Variants in GRIK3 observed in about 807,000 individuals in gnomAD.
GRIK3 encodes glutamate receptor ionotropic, kainate 3.
Under a neutral mutation model 102.5 loss-of-function variants are expected in GRIK3, and 29 were observed. The ratio of observed to expected loss-of-function variants is 0.28; its 90% confidence interval spans 0.21 to 0.39. The LOEUF is 0.39. Among genes scored for constraint, GRIK3 ranks in the 10% least tolerant of loss-of-function variants. GRIK3 has a pLI of 1.00. For synonymous variants in GRIK3, 511 were observed against 504.9 expected, an observed-to-expected ratio of 1.01 and a Z score of -0.16; for missense variants, 908 against 1,252.4, an observed-to-expected ratio of 0.73 and a Z score of 4.15.
chr1:36,942,183 G>A (rs1641728152), intron 1 of GRIK3, among the ~76,000 whole-genome samples: 1 of 152,226 alleles, frequency 6.6e-6, no homozygotes, highest in Non-Finnish European at 1.5e-5. Flanking sequence ...ACTACCTGCA[G>A]TTGCAGCAGC....
At chr1:36,996,702 G>T (rs939998002) in intron 1 of GRIK3, among the ~76,000 whole-genome samples, 1 of 152,194 alleles carries the variant, frequency 6.6e-6, no homozygotes, top group Admixed American at 6.5e-5. Flanking sequence ...TTCCTGGTGG[G>T]GAACAGCGGT....
At chr1:36,950,394 T>C (rs1205125785) in intron 1 of GRIK3, among the ~76,000 whole-genome samples, 1 of 152,226 alleles carries the variant, frequency 6.6e-6, no homozygotes, top group African/African-American at 2.4e-5. Flanking sequence ...TTCCAGGCTT[T>C]TCTCCATTTA....
intron 5 of GRIK3, among the ~76,000 whole-genome samples, chr1:36,869,265 C>T (rs1040584269): frequency 2.0e-5 from 3 of 152,154 alleles, no homozygotes; most frequent in African/African-American, 7.2e-5. Flanking sequence ...TGAATGTGGA[C>T]AGAATCCAAA....
In GRIK3 at chr1:36,806,268, G is replaced by T; in HGVS notation, c.2150C>A (p.Ala717Glu). 1 of 1,614,144 alleles carries T rather than the reference G, an allele frequency of 6.2e-7. No homozygotes were observed. The highest frequency in any genetic ancestry group is 8.5e-7 in the Non-Finnish European group (1 of 1,179,978). ...GCCCTCCTCGTTGTTCTTCACCAGC[G>T]CCGATGGCTTGCTGCTCATGAAGGC... is the stretch of plus-strand genomic sequence containing the variant. ...MWAFMSSKPSALVKNNEEGIQ... is the reference protein window; with the variant it reads ...MWAFMSSKPSELVKNNEEGIQ... The change falls in exon 14 of 16, where the codon GCG becomes GAG. Residue 717 changes from alanine (A) to glutamate (E), a missense_variant. Physicochemically the swap from Ala to Glu is moderately radical, Grantham distance 107 (BLOSUM62 -1). Transcript: ENST00000373091. The surrounding 1 kb of genome is among the most constrained non-coding windows in gnomAD (Gnocchi z 4.0).
intron 1 of GRIK3, among the ~76,000 whole-genome samples, chr1:36,989,277 G>A (rs1642339851): frequency 6.6e-6 from 1 of 152,168 alleles, no homozygotes; most frequent in South Asian, 2.1e-4. Flanking sequence ...ATTCCAGCAC[G>A]TAAAGGCCAA....
In GRIK3 at chr1:36,833,505, C is replaced by T. The variant is rs183960619; in HGVS notation, c.1531-7679G>A. ...TGGGCTCCACCTTTGGAGCCCATCTCTTTCCCCTGCCCCCAGGTGAGCTCC... is the reference window on the plus strand; with the variant it reads ...TGGGCTCCACCTTTGGAGCCCATCTTTTTCCCCTGCCCCCAGGTGAGCTCC... On this transcript the variant is annotated intron_variant, in intron 10 of 15. Coordinates refer to ENST00000373091, the MANE Select transcript of GRIK3 (RefSeq NM_000831.4). Among the ~76,000 whole-genome samples the T allele has an allele frequency of 1.1e-3, 167 of 152,300 alleles. 1 individual carries two copies. Among genetic ancestry groups the T allele is most frequent in the African/African-American group, 3.9e-3 (161 of 41,556 alleles).
At chr1:36,809,180 C>T (rs150540698) in intron 13 of GRIK3, among the ~76,000 whole-genome samples, 1 of 137,418 alleles carries the variant, frequency 7.3e-6, no homozygotes, top group African/African-American at 2.9e-5. Flanking sequence ...CATCCATCCA[C>T]CCACCCATCC....
intron 1 of GRIK3, among the ~76,000 whole-genome samples, chr1:37,014,367 G>A (rs540733535): frequency 6.6e-6 from 1 of 152,362 alleles, no homozygotes; most frequent in Admixed American, 6.5e-5. Context: ...AAGGAGGAAG[G>A]GAGGGATAGG....
rs1186388755 is a variant in GRIK3, at chr1:36,813,726, G to T, written c.2091+3334C>A. Among the ~76,000 whole-genome samples the T allele has an allele frequency of 2.0e-5, 3 of 151,052 alleles. No homozygotes were observed. The East Asian group carries it at 5.9e-4, about 30-fold the overall frequency. On this transcript the variant is annotated intron_variant, in intron 13 of 15. Transcript: ENST00000373091. ...CAGAGGGGTGACAAGGCAGGGAATT[G>T]GTTCATCCAGGGACCTTCAGCGGGG...
At chr1:36,975,079 T>C (rs775178216) in intron 1 of GRIK3, among the ~76,000 whole-genome samples, 1 of 152,154 alleles carries the variant, frequency 6.6e-6, no homozygotes, top group Non-Finnish European at 1.5e-5. Flanking sequence ...ACAGTGGTGA[T>C]AGATGTACAA....
chr1:36,859,820 A>T, intron 6 of GRIK3, 24 bp downstream of exon 6: 1 of 1,597,212 alleles, frequency 6.3e-7, no homozygotes, highest in Non-Finnish European at 8.6e-7. Context: ...AGCCCCTGGA[A>T]TTCACCTCAC....
At chr1:36,864,033 AC>A (rs1640756129) in intron 5 of GRIK3, among the ~76,000 whole-genome samples, 2 of 152,090 alleles carry the variant, frequency 1.3e-5, no homozygotes, top group Non-Finnish European at 2.9e-5. Flanking sequence ...CCAACCCAAT[AC>A]CCTCCCCATG....
chr1:36,933,437 T>C (rs1048294863), intron 1 of GRIK3, among the ~76,000 whole-genome samples: 1 of 152,244 alleles, frequency 6.6e-6, no homozygotes, highest in Non-Finnish European at 1.5e-5. Context: ...GGTAACTATG[T>C]AGTTTCAAAC....
At chr1:36,885,650 T>C (rs1309887840) in intron 2 of GRIK3, among the ~76,000 whole-genome samples, 2 of 152,108 alleles carry the variant, frequency 1.3e-5, no homozygotes, top group Non-Finnish European at 2.9e-5. Context: ...GTCTCCTCCA[T>C]GTTCCTTCCA....
At chr1:36,933,002 C>A (rs1178026457) in intron 1 of GRIK3, among the ~76,000 whole-genome samples, 1 of 152,236 alleles carries the variant, frequency 6.6e-6, no homozygotes, top group East Asian at 1.9e-4. Flanking sequence ...TGAACTGATT[C>A]TGTTACAATT....
intron 1 of GRIK3, among the ~76,000 whole-genome samples, chr1:36,916,459 C>T (rs939016225): frequency 6.6e-6 from 1 of 152,098 alleles, no homozygotes; most frequent in African/African-American, 2.4e-5. Flanking sequence ...GAAAATGTCT[C>T]CAGGGAATAT....
intron 5 of GRIK3, among the ~76,000 whole-genome samples, chr1:36,862,396 T>C (rs778423965): frequency 1.5e-4 from 23 of 152,180 alleles, no homozygotes; most frequent in Non-Finnish European, 2.2e-4. Flanking sequence ...ATGTCCTCGG[T>C]GGGTGTCCAG....
At chr1:36,867,811 G>A (rs1640802272) in intron 5 of GRIK3, among the ~76,000 whole-genome samples, 1 of 152,104 alleles carries the variant, frequency 6.6e-6, no homozygotes, top group African/African-American at 2.4e-5. Context: ...AACCCCCTCT[G>A]GGCCTTGCTC....
At position 36,880,947 on chromosome 1, in the gene GRIK3, A is replaced by G. The variant is rs142228238; in HGVS notation, c.293-56T>C. On this transcript the variant is annotated intron_variant, in intron 2 of 15. Transcript: ENST00000373091. The surrounding 1 kb of genome is among the most constrained non-coding windows in gnomAD (Gnocchi z 5.4). ...CAGCACTGGGGCTGTGGGTATGGGG[A>G]CAGTGATGCTGATGATCCTGTAAAC... The G allele has an allele frequency of 9.2e-4, 1,411 of 1,525,848 alleles. 7 individuals are homozygous for G. In the African/African-American group the frequency reaches 0.017, roughly 18 times the overall value. 94.5% of individuals were successfully genotyped at this position (1,525,848 alleles called of 1,614,324 possible).
Sources: gnomAD v4.1 joint callset for allele counts (sites outside exome capture counted in the v4.1 genomes callset) on GRCh38, gnomAD v4.1.1 for gene constraint, Gnocchi (gnomAD v3.1) non-coding constraint, MANE v1.5 for transcripts, NCBI Gene and HGNC (gene_info 2026-07-23, HGNC 2026-07-21) for gene names.